The following CNTNAP5 variants were observed in gnomAD, a reference collection of about 807,000 sequenced individuals.
CNTNAP5 encodes the protein contactin-associated protein-like 5.
A neutral mutation model predicts 150.2 loss-of-function variants in CNTNAP5; 72 were observed. That is an observed-to-expected ratio of 0.48 (90% confidence interval 0.40 to 0.58). The LOEUF (loss-of-function observed/expected upper bound fraction) is 0.58, where lower values mean the gene tolerates loss of function less well. CNTNAP5 is among the 20% of genes least tolerant of loss of function. The pLI is 0.00. For synonymous variants in CNTNAP5, 672 were observed against 619.8 expected (o/e 1.08, Z -1.25); for missense variants, 1,636 against 1,626.2 (o/e 1.01, Z -0.10).
chr2:124,354,725 A>G (rs1573936369), intron 3 of CNTNAP5, among the ~76,000 whole-genome samples: 1 of 152,198 alleles, frequency 6.6e-6, no homozygotes, highest in South Asian at 2.1e-4. Context: ...GCTTATTCTG[A>G]GTATTGTTTA....
At chr2:124,225,329 C>G (rs1686428902) in intron 2 of CNTNAP5, among the ~76,000 whole-genome samples, 1 of 152,144 alleles carries the variant, frequency 6.6e-6, no homozygotes, top group Non-Finnish European at 1.5e-5. Flanking sequence ...AATGGCCATG[C>G]CCGGCTTTCA....
chr2:124,281,639 C>T (rs1688014151), intron 3 of CNTNAP5, among the ~76,000 whole-genome samples: 1 of 152,124 alleles, frequency 6.6e-6, no homozygotes, highest in East Asian at 1.9e-4. Context: ...AAGAAGAAGC[C>T]AACAACTTGA....
At chr2:124,540,624 T>C (rs1270411800) in intron 10 of CNTNAP5, among the ~76,000 whole-genome samples, 2 of 152,210 alleles carry the variant, frequency 1.3e-5, no homozygotes, top group Non-Finnish European at 2.9e-5. Context: ...TCATTGATTT[T>C]CCCTGCTCTG....
intron 13 of CNTNAP5, among the ~76,000 whole-genome samples, chr2:124,730,569 G>A (rs1680249501): frequency 6.6e-6 from 1 of 151,862 alleles, no homozygotes; most frequent in Non-Finnish European, 1.5e-5. Flanking sequence ...GTAAACACTA[G>A]CCAATGTTTT....
intron 1 of CNTNAP5, among the ~76,000 whole-genome samples, chr2:124,031,439 CA>C (rs904023039): frequency 1.3e-5 from 2 of 152,056 alleles, no homozygotes; most frequent in African/African-American, 4.8e-5. Context: ...ATTTTTGAAA[CA>C]AGTACAACTC....
intron 3 of CNTNAP5, among the ~76,000 whole-genome samples, chr2:124,312,876 T>G (rs965596179): frequency 3.9e-5 from 6 of 152,136 alleles, no homozygotes; most frequent in South Asian, 2.1e-4. Flanking sequence ...GGCCAATTTT[T>G]GTATTCTTAG....
At chr2:124,645,855 C>T (rs1260403136) in intron 12 of CNTNAP5, among the ~76,000 whole-genome samples, 1 of 152,064 alleles carries the variant, frequency 6.6e-6, no homozygotes, top group Non-Finnish European at 1.5e-5. Flanking sequence ...AGCTTAGAAT[C>T]ATGGTGGAAG....
At chr2:124,525,422 C>T (rs1479060103) in intron 9 of CNTNAP5, among the ~76,000 whole-genome samples, 1 of 152,130 alleles carries the variant, frequency 6.6e-6, no homozygotes, top group Admixed American at 6.5e-5. Context: ...GGCTCCAGCT[C>T]CTATAGATAT....
At chr2:124,039,024 C>T (rs945861697) in intron 1 of CNTNAP5, among the ~76,000 whole-genome samples, 14 of 152,300 alleles carry the variant, frequency 9.2e-5, no homozygotes, top group African/African-American at 2.2e-4. Context: ...AATAAGCAGA[C>T]GCTTTATTCT....
rs1040873085 is a variant in CNTNAP5 at position 124,766,030 on chromosome 2, G to A, written c.2533+1883G>A. ...CATCTATTGAAACAGACCAACAAAC[G>A]ATTTGTTTGGTGAAGGGATGTTTTA... On this transcript the variant is annotated intron_variant, in intron 16 of 23. Transcript: ENST00000682447. Among the ~76,000 whole-genome samples, 101 of 152,168 alleles carry A rather than the reference G, an allele frequency of 6.6e-4. 1 individual carries two copies. The highest frequency in any genetic ancestry group is 2.2e-3 in the African/African-American group (93 of 41,520).
intron 21 of CNTNAP5, among the ~76,000 whole-genome samples, chr2:124,880,780 T>G (rs1677948739): frequency 6.6e-6 from 1 of 152,144 alleles, no homozygotes; most frequent in African/African-American, 2.4e-5. Context: ...AATTAGGATA[T>G]AAATAGTTTT....
intron 1 of CNTNAP5, among the ~76,000 whole-genome samples, chr2:124,048,825 C>A (rs1681613136): frequency 6.6e-6 from 1 of 152,122 alleles, no homozygotes; most frequent in South Asian, 2.1e-4. Flanking sequence ...TTTTGGATGT[C>A]CTCATAAGTA....
chr2:124,752,313 C>T (rs1680745471), intron 14 of CNTNAP5, among the ~76,000 whole-genome samples: 1 of 152,040 alleles, frequency 6.6e-6, no homozygotes, highest in African/African-American at 2.4e-5. Context: ...TCTCAGCCTC[C>T]CAAAGCATTG....
intron 3 of CNTNAP5, among the ~76,000 whole-genome samples, chr2:124,410,942 C>G (rs2104769392): frequency 6.6e-6 from 1 of 152,014 alleles, no homozygotes; most frequent in South Asian, 2.1e-4. Flanking sequence ...AATCCAGGAG[C>G]TGGTTTTTTG....
At chr2:124,718,830 A>G (rs1194767317) in intron 13 of CNTNAP5, among the ~76,000 whole-genome samples, 2 of 152,044 alleles carry the variant, frequency 1.3e-5, no homozygotes, top group African/African-American at 4.8e-5. Context: ...CTGTAGTCCC[A>G]GCTACTCGGG....
At chr2:124,131,993 C>T (rs1683861364) in intron 1 of CNTNAP5, among the ~76,000 whole-genome samples, 1 of 152,046 alleles carries the variant, frequency 6.6e-6, no homozygotes, top group Non-Finnish European at 1.5e-5. Flanking sequence ...ATCAAAGAGA[C>T]CTAAGGAGAC....
intron 11 of CNTNAP5, among the ~76,000 whole-genome samples, chr2:124,600,650 G>A (rs1480458860): frequency 2.0e-5 from 3 of 151,444 alleles, no homozygotes; most frequent in Non-Finnish European, 2.9e-5. Context: ...GACACAACTC[G>A]AATCCACCAC....
chr2:124,791,143 GGTT>G (rs1210646412), intron 18 of CNTNAP5, among the ~76,000 whole-genome samples: 1 of 152,092 alleles, frequency 6.6e-6, no homozygotes, highest in Non-Finnish European at 1.5e-5. Flanking sequence ...ACAAAGCAAT[GGTT>G]TATTTAGTCC....
chr2:124,888,861 G>A (rs998536517), intron 21 of CNTNAP5, among the ~76,000 whole-genome samples: 1 of 151,920 alleles, frequency 6.6e-6, no homozygotes, highest in Non-Finnish European at 1.5e-5. Flanking sequence ...CAGATGCATA[G>A]TTTGCACATA....
Sources: allele counts gnomAD v4.1 joint callset (sites outside exome capture counted in the v4.1 genomes callset), GRCh38; gene constraint gnomAD v4.1.1; transcripts MANE v1.5; gene names NCBI Gene and HGNC (gene_info 2026-07-23, HGNC 2026-07-21).